PISD: variants seen among roughly 807,000 people sequenced by gnomAD.
PISD encodes phosphatidylserine decarboxylase proenzyme, mitochondrial.
In PISD, 31 loss-of-function variants were observed where a neutral mutation model predicts 43.5. That is an observed-to-expected ratio of 0.71 (90% CI 0.54 to 0.96). The LOEUF (loss-of-function observed/expected upper bound fraction) is 0.96, where lower values mean the gene tolerates loss of function less well. Ranked by LOEUF, PISD falls within the 40% of genes least tolerant of loss-of-function variation. The pLI is 0.00. For synonymous variants in PISD, 259 were observed against 228.7 expected (o/e 1.13, Z -1.20); for missense variants, 523 against 548.4 (o/e 0.95, Z 0.46).
chr22:31,623,704 C>A, intron 3 of PISD: 2 of 1,613,928 alleles, frequency 1.2e-6, no homozygotes, highest in Non-Finnish European at 1.7e-6. Context: ...GGCCTCCATC[C>A]CACCCGGCTG....
At chr22:31,637,127 ATAATAATAAATAAAT>A (rs1326415495) in intron 3 of PISD, among the ~76,000 whole-genome samples, 6 of 110,762 alleles carry the variant, frequency 5.4e-5, no homozygotes, top group African/African-American at 2.1e-4. Flanking sequence ...ACAAAAAAAA[ATAATAATAAATAAAT>A]TAAAAAAAAA....
At chr22:31,624,666 C>G (rs1044184514) in intron 3 of PISD, among the ~76,000 whole-genome samples, 119 of 151,502 alleles carry the variant, frequency 7.9e-4, no homozygotes, top group Non-Finnish European at 1.7e-3. Context: ...CACACACACA[C>G]ACACACACAC....
chr22:31,620,711 AGCC>A lies in PISD; in HGVS notation c.845-1_846del. ...ATGCCAGGGTTCACTGACATCAGGG[AGCC>A]TGCAGAGGCAGGGAATGCCGCTACT... is the stretch of plus-strand genomic sequence containing the variant. On this transcript the variant is annotated splice_acceptor_variant and coding_sequence_variant, in exon 7 of 8. Coordinates refer to ENST00000439502, the MANE Select transcript of PISD (RefSeq NM_001326411.2). LOFTEE classifies it high-confidence loss of function. The A allele has an allele frequency of 1.9e-6, 3 of 1,614,206 alleles. No individual in the cohort carries two copies. The highest frequency in any genetic ancestry group is 2.5e-6 in the Non-Finnish European group (3 of 1,180,022).
intron 6 of PISD, 51 bp downstream of exon 6, chr22:31,620,945 T>G (rs1481671407): frequency 5.8e-6 from 9 of 1,562,442 alleles, no homozygotes; most frequent in Middle Eastern, 2.0e-4. Flanking sequence ...GCTGAGAGCC[T>G]CTATATGAAG....
intron 2 of PISD, 65 bp downstream of exon 2, chr22:31,650,634 C>T (rs1212553439): frequency 1.8e-5 from 16 of 909,244 alleles, no homozygotes; most frequent in Non-Finnish European, 2.8e-5. Flanking sequence ...CTATGTTTAT[C>T]CCAATTTACA....
At chr22:31,647,666 T>C (rs1394861315) in intron 3 of PISD, among the ~76,000 whole-genome samples, 2 of 152,198 alleles carry the variant, frequency 1.3e-5, no homozygotes. Context: ...GCTGCCCCTA[T>C]CGTGTGACTA....
chr22:31,662,493 T>C (rs940263548), upstream of PISD: 5 of 506,314 alleles, frequency 9.9e-6, no homozygotes, highest in African/African-American at 9.7e-5. Context: ...AAAATCTGAG[T>C]CATCCAAGAT....
At chr22:31,645,866 A>AAG (rs1277112929) in intron 3 of PISD, among the ~76,000 whole-genome samples, 1 of 150,838 alleles carries the variant, frequency 6.6e-6, no homozygotes, top group African/African-American at 2.4e-5. Context: ...AAAAAAAAAA[A>AAG]AAAAGAAAAG....
intron 1 of PISD, among the ~76,000 whole-genome samples, chr22:31,659,401 G>A (rs959989164): frequency 6.6e-6 from 1 of 151,862 alleles, no homozygotes; most frequent in Non-Finnish European, 1.5e-5. Context: ...TCTATGGTCC[G>A]TTGACAGTGT....
At chr22:31,637,403 T>C (rs2073541495) in intron 3 of PISD, among the ~76,000 whole-genome samples, 1 of 151,334 alleles carries the variant, frequency 6.6e-6, no homozygotes. Flanking sequence ...TTGTTTTTTT[T>C]TAAAAGAGGT....
At chr22:31,622,902 A>G (rs1364182886) in intron 3 of PISD, among the ~76,000 whole-genome samples, 1 of 152,222 alleles carries the variant, frequency 6.6e-6, no homozygotes, top group Non-Finnish European at 1.5e-5. Context: ...CCAAGGTGTA[A>G]AACTGATTTC....
rs1455495603 is a variant in PISD at position 31,630,883 on chromosome 22, G to A, written c.322-8998C>T. 1 of 984,660 alleles carries A rather than the reference G, an allele frequency of 1.0e-6. No individual in the cohort carries two copies. The highest frequency in any genetic ancestry group is 1.2e-6 in the Non-Finnish European group (1 of 829,306). The allele number at this position is 984,660 out of a possible 1,614,324, so 61.0% of individuals were successfully genotyped here. On this transcript the variant is annotated intron_variant, in intron 3 of 7. Coordinates refer to ENST00000439502, the MANE Select transcript of PISD (RefSeq NM_001326411.2). This position sits in a 1 kb window ranked among gnomAD's most constrained non-coding sequence, Gnocchi z 4.4. ...GGGAAGCCTTGGGGCGAGTGGGCGG[G>A]GCTCGGGCTCCAGCCACTCAGACTA...
At chr22:31,623,681 T>C (rs377226392) in intron 3 of PISD, 1 of 1,612,414 alleles carries the variant, frequency 6.2e-7, no homozygotes, top group Non-Finnish European at 8.5e-7. Flanking sequence ...TGTGCACACT[T>C]ACCCTGCTTA....
At chr22:31,636,650 C>G (rs2073448118) in intron 3 of PISD, among the ~76,000 whole-genome samples, 1 of 152,168 alleles carries the variant, frequency 6.6e-6, no homozygotes, top group African/African-American at 2.4e-5. Context: ...CACCATTCTC[C>G]TGCCTCAGCC....
At chr22:31,626,118 A>C in intron 3 of PISD, 1 of 1,132,872 alleles carries the variant, frequency 8.8e-7, no homozygotes, top group African/African-American at 1.6e-5. Context: ...CACTGTCCCC[A>C]GTCCTGGCCA....
chr22:31,629,377 G>A (rs1569484311), intron 3 of PISD: 1 of 190,636 alleles, frequency 5.2e-6, no homozygotes, highest in Non-Finnish European at 9.3e-6. Flanking sequence ...GGGGTGTGTA[G>A]GTGTGAGTGT....
intron 3 of PISD, among the ~76,000 whole-genome samples, chr22:31,640,877 G>GGT (rs1309135789): frequency 9.3e-5 from 3 of 32,226 alleles, no homozygotes; most frequent in East Asian, 1.8e-3. Context: ...CACCACACCC[G>GGT]GTGTTTTTTT....
At chr22:31,632,735 A>C (rs5753734) in intron 3 of PISD, among the ~76,000 whole-genome samples, 49,793 of 152,008 alleles carry the variant, frequency 0.33, 8,679 homozygotes, top group East Asian at 0.45. Flanking sequence ...CAACCCTGAA[A>C]TGGAGTAATT....
intron 3 of PISD, among the ~76,000 whole-genome samples, chr22:31,626,773 G>C (rs1229267167): frequency 1.3e-5 from 2 of 152,218 alleles, no homozygotes; most frequent in African/African-American, 4.8e-5. Flanking sequence ...ATAGCGGAAG[G>C]AAGAGCAAAC....
Sources: gnomAD v4.1 joint callset for allele counts (sites outside exome capture counted in the v4.1 genomes callset) on GRCh38, gnomAD v4.1.1 for gene constraint, Gnocchi (gnomAD v3.1) non-coding constraint, MANE v1.5 for transcripts, NCBI Gene and HGNC (gene_info 2026-07-23, HGNC 2026-07-21) for gene names.